UBXN2A: variants seen among roughly 807,000 people sequenced by gnomAD.
The protein encoded by UBXN2A is UBX domain-containing protein 2A.
Under a neutral mutation model 28.4 loss-of-function variants are expected in UBXN2A, and 28 were observed. The observed-to-expected ratio is 0.99, with a 90% confidence interval of 0.73 to 1.35. The LOEUF (loss-of-function observed/expected upper bound fraction) is 1.35. Among genes scored for constraint, UBXN2A ranks in the 40% most tolerant of loss-of-function variants. The pLI, the probability that UBXN2A is intolerant of heterozygous loss-of-function variation, is 0.00. For synonymous variants in UBXN2A, 97 were observed against 103.6 expected, an observed-to-expected ratio of 0.94 and a Z score of 0.39; for missense variants, 253 against 297.9, an observed-to-expected ratio of 0.85 and a Z score of 1.11.
intron 1 of UBXN2A, among the ~76,000 whole-genome samples, chr2:23,943,669 TAGAG>T (rs2150801177): frequency 6.6e-6 from 1 of 152,090 alleles, no homozygotes; most frequent in African/African-American, 2.4e-5. Context: ...GTATTTTTAG[TAGAG>T]AGAGACAGGG....
At chr2:23,930,613 C>G (rs1463235497) in intron 1 of UBXN2A, among the ~76,000 whole-genome samples, 1 of 152,154 alleles carries the variant, frequency 6.6e-6, no homozygotes, top group African/African-American at 2.4e-5. Context: ...AATCCTAGCA[C>G]TTTGGGAGGC....
upstream of UBXN2A, among the ~76,000 whole-genome samples, chr2:23,937,734 C>T (rs915675773): frequency 6.6e-6 from 1 of 152,130 alleles, no homozygotes; most frequent in South Asian, 2.1e-4. Flanking sequence ...TAAAACACTG[C>T]TGAAAGAAAT....
At chr2:23,985,963 T>C (rs958841156) in intron 6 of UBXN2A, among the ~76,000 whole-genome samples, 3 of 151,974 alleles carry the variant, frequency 2.0e-5, no homozygotes, top group Admixed American at 1.3e-4. Context: ...ACTGCAAGCC[T>C]GGGTGACATT....
chr2:23,970,409 A>G (rs907310638), intron 2 of UBXN2A, among the ~76,000 whole-genome samples: 1 of 152,128 alleles, frequency 6.6e-6, no homozygotes, highest in African/African-American at 2.4e-5. Flanking sequence ...TTTGGTTGTT[A>G]TAACACTGGG....
chr2:23,949,293 C>A (rs1007449484), intron 1 of UBXN2A, among the ~76,000 whole-genome samples: 4 of 151,740 alleles, frequency 2.6e-5, no homozygotes, highest in Non-Finnish European at 4.4e-5. Context: ...ATTTATTTGC[C>A]AGGCATGGTG....
chr2:23,956,859 C>T (rs190933303), intron 1 of UBXN2A, among the ~76,000 whole-genome samples: 1 of 152,248 alleles, frequency 6.6e-6, no homozygotes, highest in East Asian at 1.9e-4. Context: ...GCCTTCTCAG[C>T]AGACCAGTGG....
At chr2:23,994,232 T>G (rs1229050571) in intron 6 of UBXN2A, among the ~76,000 whole-genome samples, 1 of 152,196 alleles carries the variant, frequency 6.6e-6, no homozygotes, top group Non-Finnish European at 1.5e-5. Flanking sequence ...AAAATTTTTC[T>G]CTTTGTTCTT....
Position 24,002,564 on chromosome 2 carries a change from C to T in UBXN2A, c.*2697C>T, listed in dbSNP as rs1708742411. 1 of 152,114 alleles carries T rather than the reference C, an allele frequency of 6.6e-6. No homozygotes were observed. Among genetic ancestry groups the T allele is most frequent in the Non-Finnish European group, 1.5e-5 (1 of 68,046 alleles). The allele number at this position is 152,114 out of a possible 1,614,324, so 9.4% of individuals were successfully genotyped here. On this transcript the variant is annotated 3_prime_UTR_variant, in exon 7 of 7. Transcript: ENST00000309033. Reference sequence around the variant, plus strand: ...AGCTGGGATTATAGGCGCCCACTACCACGCCTGGCTAATTTTTGTATTTTT... The same window carrying T: ...AGCTGGGATTATAGGCGCCCACTACTACGCCTGGCTAATTTTTGTATTTTT...
intron 2 of UBXN2A, among the ~76,000 whole-genome samples, chr2:23,966,943 G>C (rs1024509325): frequency 6.6e-6 from 1 of 151,398 alleles, no homozygotes; most frequent in Non-Finnish European, 1.5e-5. Context: ...TTTTTTTATA[G>C]AGATGGGATT....
At chr2:23,978,962 CAA>C (rs113906713) in intron 4 of UBXN2A, among the ~76,000 whole-genome samples, 1 of 139,946 alleles carries the variant, frequency 7.1e-6, no homozygotes, top group Admixed American at 7.3e-5. Flanking sequence ...GATTCCATCT[CAA>C]AAAAAAAAAA....
chr2:23,963,086 T>C (rs890893299), intron 2 of UBXN2A, among the ~76,000 whole-genome samples: 2 of 152,220 alleles, frequency 1.3e-5, no homozygotes, highest in Admixed American at 6.5e-5. Context: ...ACTTATTTAT[T>C]ATCATGAGAA....
At chr2:23,965,601 A>G (rs1451963914) in intron 2 of UBXN2A, among the ~76,000 whole-genome samples, 1 of 152,068 alleles carries the variant, frequency 6.6e-6, no homozygotes, top group Non-Finnish European at 1.5e-5. Context: ...TTTTATATAC[A>G]TTGTTGTATT....
intron 3 of UBXN2A, among the ~76,000 whole-genome samples, chr2:23,972,773 G>A (rs998779426): frequency 2.0e-5 from 3 of 152,132 alleles, no homozygotes; most frequent in Non-Finnish European, 4.4e-5. Flanking sequence ...AGTGAGTTGA[G>A]ATTGCGCCAC....
chr2:23,964,320 C>T (rs112221470), intron 2 of UBXN2A, among the ~76,000 whole-genome samples: 18,302 of 151,986 alleles, frequency 0.12, 1,195 homozygotes, highest in Middle Eastern at 0.21. Context: ...AAGTGATTCT[C>T]CTGCCTCAGC....
At chr2:23,948,728 G>T (rs1194842942) in intron 1 of UBXN2A, among the ~76,000 whole-genome samples, 1 of 152,108 alleles carries the variant, frequency 6.6e-6, no homozygotes. Context: ...AGGTCACCTA[G>T]CTCAAAAGTG....
intron 1 of UBXN2A, among the ~76,000 whole-genome samples, chr2:23,942,354 T>C (rs1200481174): frequency 6.7e-6 from 1 of 150,062 alleles, no homozygotes; most frequent in Non-Finnish European, 1.5e-5. Flanking sequence ...ACTTCAGCAG[T>C]TGTTGTGTGG....
chr2:23,977,212 A>G (rs1707704911), intron 4 of UBXN2A, 137 bp downstream of exon 4: 1 of 586,984 alleles, frequency 1.7e-6, no homozygotes, highest in Admixed American at 3.0e-5. Flanking sequence ...AAAAAAAGAA[A>G]ATTACCAGCC....
intron 2 of UBXN2A, among the ~76,000 whole-genome samples, chr2:23,966,004 T>C (rs1707146209): frequency 6.6e-6 from 1 of 152,158 alleles, no homozygotes; most frequent in African/African-American, 2.4e-5. Flanking sequence ...CATAAAGCAG[T>C]TCTTAATGCC....
intron 4 of UBXN2A, 39 bp downstream of exon 4, chr2:23,977,114 A>G: frequency 6.5e-7 from 1 of 1,542,276 alleles, no homozygotes; most frequent in Non-Finnish European, 8.9e-7. Flanking sequence ...CTGTAAACCC[A>G]AAACTTTGGC....
Sources: gnomAD v4.1 joint callset for allele counts (sites outside exome capture counted in the v4.1 genomes callset) on GRCh38, gnomAD v4.1.1 for gene constraint, MANE v1.5 for transcripts, NCBI Gene and HGNC (gene_info 2026-07-23, HGNC 2026-07-21) for gene names.